The following TSHZ2 variants were observed in gnomAD, a reference collection of about 807,000 sequenced individuals.
TSHZ2 encodes teashirt homolog 2.
TSHZ2 carries 21 observed loss-of-function variants against 74.4 expected under a neutral mutation model. The ratio of observed to expected loss-of-function variants is 0.28; its 90% CI spans 0.20 to 0.41. The LOEUF (loss-of-function observed/expected upper bound fraction) is 0.41, where lower values mean the gene tolerates loss of function less well. Among genes scored for constraint, TSHZ2 ranks in the 10% least tolerant of loss-of-function variants. TSHZ2 has a pLI of 1.00. For missense variants in TSHZ2, 1,244 were observed against 1,293.5 expected (o/e 0.96, Z 0.59); for synonymous variants, 540 against 515.3 (o/e 1.05, Z -0.65).
intron 1 of TSHZ2, among the ~76,000 whole-genome samples, chr20:53,210,018 A>C (rs1298025155): frequency 1.3e-5 from 2 of 152,262 alleles, no homozygotes; most frequent in Admixed American, 1.3e-4. Flanking sequence ...GCCTTGATGT[A>C]GCGTTAAGTC....
At chr20:53,147,859 G>A (rs1156633604) in intron 1 of TSHZ2, among the ~76,000 whole-genome samples, 1 of 152,140 alleles carries the variant, frequency 6.6e-6, no homozygotes, top group Non-Finnish European at 1.5e-5. Flanking sequence ...TGGGATTATA[G>A]GCATGCACCA....
At chr20:52,980,282 C>A (rs1981515029) in intron 1 of TSHZ2, among the ~76,000 whole-genome samples, 1 of 152,156 alleles carries the variant, frequency 6.6e-6, no homozygotes, top group Admixed American at 6.5e-5. Flanking sequence ...AGCGGTGAAG[C>A]AGGGAAGATT....
At chr20:52,991,089 G>C (rs188966944) in intron 1 of TSHZ2, among the ~76,000 whole-genome samples, 2 of 152,170 alleles carry the variant, frequency 1.3e-5, no homozygotes, top group East Asian at 3.9e-4. Context: ...GTTGTGGCAG[G>C]GGAAGAGAGC....
At chr20:53,478,850 C>T (rs1202832690) in intron 2 of TSHZ2, among the ~76,000 whole-genome samples, 1 of 149,786 alleles carries the variant, frequency 6.7e-6, no homozygotes, top group African/African-American at 2.5e-5. Flanking sequence ...ACACACAAAC[C>T]GCAAAAAGAA....
chr20:53,453,255 A>G (rs1316259476), intron 2 of TSHZ2: 2 of 152,226 alleles, frequency 1.3e-5, no homozygotes, highest in African/African-American at 4.8e-5. Context: ...ACAACTAAAT[A>G]TCTTCCAGGG....
chr20:53,254,901 C>A lies in TSHZ2; in HGVS notation c.1443C>A (p.Ser481Arg). 1 of 1,614,024 alleles carries A rather than the reference C, an allele frequency of 6.2e-7. No homozygotes were observed. The highest frequency in any genetic ancestry group is 8.5e-7 in the Non-Finnish European group (1 of 1,180,006). ...GCAAGGATGAGAAAGTCGTGAAAAG[C>A]GAGGACTATGAAGATCCTCTACAAA... ...ETSKDEKVVK[S>R]EDYEDPLQKP... Residue 481 changes from serine to arginine, a missense_variant, in exon 2 of 3, where the codon AGC becomes AGA. Physicochemically the swap from Ser to Arg is moderately radical, Grantham distance 110. This residue lies in a region of TSHZ2 where 562 missense variants were observed against 544.0 expected (regional missense o/e 1.03). Coordinates refer to ENST00000371497, the MANE Select transcript of TSHZ2 (RefSeq NM_173485.6).
At chr20:53,195,639 G>C (rs1936967) in intron 1 of TSHZ2, among the ~76,000 whole-genome samples, 70,728 of 152,008 alleles carry the variant, frequency 0.47, 16,671 homozygotes, top group Middle Eastern at 0.57. Context: ...CAGTGACCCT[G>C]ACGGGTCCCC....
chr20:53,023,024 C>T (rs117960285), intron 1 of TSHZ2, among the ~76,000 whole-genome samples: 3 of 152,152 alleles, frequency 2.0e-5, no homozygotes, highest in Non-Finnish European at 4.4e-5. Flanking sequence ...ACTACCCCCC[C>T]ACCCAGATCT....
At chr20:52,985,351 G>C (rs903934645) in intron 1 of TSHZ2, among the ~76,000 whole-genome samples, 7 of 152,086 alleles carry the variant, frequency 4.6e-5, no homozygotes, top group Non-Finnish European at 1.0e-4. Flanking sequence ...CAGATAATAC[G>C]CTTAACACCG....
At chr20:53,446,845 A>C (rs1459224445) in intron 2 of TSHZ2, among the ~76,000 whole-genome samples, 1 of 152,186 alleles carries the variant, frequency 6.6e-6, no homozygotes, top group East Asian at 1.9e-4. Flanking sequence ...ATGGGAGATG[A>C]GTTCCATTCA....
intron 1 of TSHZ2, among the ~76,000 whole-genome samples, chr20:53,211,666 A>G (rs1383964295): frequency 2.0e-5 from 3 of 152,172 alleles, no homozygotes; most frequent in Non-Finnish European, 2.9e-5. Context: ...GTGAGTTACA[A>G]TTATGCCGCT....
intron 2 of TSHZ2, among the ~76,000 whole-genome samples, chr20:53,472,381 G>A (rs953830204): frequency 3.3e-5 from 5 of 152,166 alleles, no homozygotes; most frequent in African/African-American, 7.2e-5. Context: ...CACAGTCAAA[G>A]ACGACCGAAC....
intron 1 of TSHZ2, among the ~76,000 whole-genome samples, chr20:53,011,243 A>G (rs1435355662): frequency 6.6e-6 from 1 of 152,222 alleles, no homozygotes; most frequent in Non-Finnish European, 1.5e-5. Flanking sequence ...CAGGTTGTGC[A>G]CTGTGCAAGT....
intron 1 of TSHZ2, among the ~76,000 whole-genome samples, chr20:53,081,229 G>T (rs28677110): frequency 1.3e-5 from 2 of 151,824 alleles, no homozygotes; most frequent in African/African-American, 4.8e-5. Context: ...ATGAGGTCTC[G>T]CTATGTTACC....
At chr20:53,237,026 T>C (rs1355853053) in intron 1 of TSHZ2, among the ~76,000 whole-genome samples, 1 of 152,210 alleles carries the variant, frequency 6.6e-6, no homozygotes, top group African/African-American at 2.4e-5. Flanking sequence ...CTCAGGAAAG[T>C]TGTTTGACTT....
chr20:53,106,337 C>T (rs1398068061), intron 1 of TSHZ2, among the ~76,000 whole-genome samples: 1 of 149,412 alleles, frequency 6.7e-6, no homozygotes, highest in Non-Finnish European at 1.5e-5. Context: ...TCTCTCTGAG[C>T]CTGGCTTATG....
chr20:53,450,163 T>C (rs1238706314), intron 2 of TSHZ2, among the ~76,000 whole-genome samples: 1 of 152,272 alleles, frequency 6.6e-6, no homozygotes. Flanking sequence ...TGAGACACAG[T>C]AGTATTGAAC....
chr20:53,235,245 G>A (rs528467158), intron 1 of TSHZ2, among the ~76,000 whole-genome samples: 1 of 151,942 alleles, frequency 6.6e-6, no homozygotes, highest in Non-Finnish European at 1.5e-5. Flanking sequence ...TTGGCTCACT[G>A]CAACCTCTGC....
chr20:53,404,075 T>C (rs1251821802), intron 2 of TSHZ2, among the ~76,000 whole-genome samples: 3 of 152,248 alleles, frequency 2.0e-5, no homozygotes, highest in Non-Finnish European at 4.4e-5. Context: ...ACTTTGTGTC[T>C]AGTCAATTAC....
Sources: allele counts gnomAD v4.1 joint callset (sites outside exome capture counted in the v4.1 genomes callset), GRCh38; gene constraint gnomAD v4.1.1; regional missense constraint gnomAD v4.1.1; transcripts MANE v1.5; gene names NCBI Gene and HGNC (gene_info 2026-07-23, HGNC 2026-07-21).